CPEB3: variants seen among roughly 807,000 people sequenced by gnomAD.
CPEB3 encodes the protein cytoplasmic polyadenylation element binding protein 3.
In CPEB3, 20 loss-of-function variants were observed where a neutral mutation model predicts 67.2. The ratio of observed to expected loss-of-function variants is 0.30; its 90% CI spans 0.21 to 0.43. The LOEUF (loss-of-function observed/expected upper bound fraction) is 0.43, where lower values mean the gene tolerates loss of function less well. CPEB3 is among the 20% of genes least tolerant of loss of function. The pLI is 1.00. For missense variants in CPEB3, 746 were observed against 968.6 expected, an observed-to-expected ratio of 0.77 and a Z score of 3.05; for synonymous variants, 376 against 393.1, an observed-to-expected ratio of 0.96 and a Z score of 0.51.
At chr10:92,203,032 C>G (rs929646149) in intron 2 of CPEB3, among the ~76,000 whole-genome samples, 1 of 151,068 alleles carries the variant, frequency 6.6e-6, no homozygotes, top group South Asian at 2.1e-4. Context: ...ACCTCTGCCT[C>G]CCAGGTTCAA....
chr10:92,153,196 G>A (rs2767653), intron 4 of CPEB3, among the ~76,000 whole-genome samples: 2,036 of 152,250 alleles, frequency 0.013, 49 homozygotes, highest in African/African-American at 0.047. Context: ...GCAGGATGGC[G>A]TGCTTCTAGC....
intron 4 of CPEB3, among the ~76,000 whole-genome samples, chr10:92,164,878 A>G (rs1374840287): frequency 6.6e-6 from 1 of 152,160 alleles, no homozygotes; most frequent in African/African-American, 2.4e-5. Flanking sequence ...TCTTTTTTAA[A>G]TTTTATTTCA....
At chr10:92,106,832 A>G (rs1452200590) in intron 7 of CPEB3, among the ~76,000 whole-genome samples, 1 of 150,462 alleles carries the variant, frequency 6.6e-6, no homozygotes, top group Admixed American at 6.6e-5. Flanking sequence ...AAAAAAAAAA[A>G]AAAAAAAAGA....
intron 6 of CPEB3, among the ~76,000 whole-genome samples, chr10:92,132,271 A>C (rs931630559): frequency 2.0e-5 from 3 of 152,148 alleles, no homozygotes; most frequent in African/African-American, 7.2e-5. Context: ...GATGAGGAAA[A>C]AATTGGACTA....
chr10:92,286,583 TAA>T (rs757526293), intron 1 of CPEB3, among the ~76,000 whole-genome samples: 12 of 102,464 alleles, frequency 1.2e-4, no homozygotes, highest in Admixed American at 2.2e-4. Flanking sequence ...AGACTCTATC[TAA>T]AAAAAAAAAA....
At chr10:92,258,128 C>T (rs780718054) in intron 1 of CPEB3, among the ~76,000 whole-genome samples, 11 of 149,968 alleles carry the variant, frequency 7.3e-5, no homozygotes, top group African/African-American at 2.2e-4. Flanking sequence ...AACCAAGTCT[C>T]GCTCTGTCAC....
intron 9 of CPEB3, among the ~76,000 whole-genome samples, chr10:92,057,917 T>A (rs1842174727): frequency 6.6e-6 from 1 of 152,112 alleles, no homozygotes; most frequent in Admixed American, 6.5e-5. Flanking sequence ...CAGAAACAGC[T>A]TAGAATACAA....
At chr10:92,054,781 A>G (rs1842051000) in intron 9 of CPEB3, among the ~76,000 whole-genome samples, 1 of 152,164 alleles carries the variant, frequency 6.6e-6, no homozygotes, top group Non-Finnish European at 1.5e-5. Flanking sequence ...CAAATTATTC[A>G]AATTAAAAAT....
At chr10:92,136,090 A>G (rs1028723706) in intron 6 of CPEB3, among the ~76,000 whole-genome samples, 3 of 152,106 alleles carry the variant, frequency 2.0e-5, no homozygotes, top group African/African-American at 7.2e-5. Flanking sequence ...CAGCAAACCA[A>G]CATGGCACAT....
At chr10:92,174,903 T>C (rs902740070) in intron 4 of CPEB3, among the ~76,000 whole-genome samples, 12 of 152,208 alleles carry the variant, frequency 7.9e-5, no homozygotes, top group African/African-American at 2.7e-4. Flanking sequence ...GTATCTTCTC[T>C]GGGTAAGACT....
chr10:92,209,880 T>C (rs1256105392), intron 2 of CPEB3, among the ~76,000 whole-genome samples: 2 of 139,604 alleles, frequency 1.4e-5, no homozygotes. Flanking sequence ...GAGGCTGCAG[T>C]GAGCCAAGCT....
intron 4 of CPEB3, among the ~76,000 whole-genome samples, chr10:92,168,848 T>C (rs1328157375): frequency 7.1e-6 from 1 of 141,350 alleles, no homozygotes; most frequent in East Asian, 2.0e-4. Flanking sequence ...CAGGCTGGAG[T>C]GCAATGGTGC....
intron 2 of CPEB3, among the ~76,000 whole-genome samples, chr10:92,211,539 T>TC (rs1850083406): frequency 6.6e-6 from 1 of 150,580 alleles, no homozygotes; most frequent in African/African-American, 2.4e-5. Flanking sequence ...TATCATAATT[T>TC]TTTTTTTTTT....
chr10:92,081,567 G>T (rs1843154693), intron 8 of CPEB3, 66 bp from the exon 9 acceptor site: 1 of 1,386,826 alleles, frequency 7.2e-7, no homozygotes, highest in Non-Finnish European at 1.0e-6. Flanking sequence ...CCAGGAGAAG[G>T]AAGAATTATT....
intron 4 of CPEB3, among the ~76,000 whole-genome samples, chr10:92,162,873 C>T (rs1206727306): frequency 6.6e-6 from 1 of 152,048 alleles, no homozygotes; most frequent in Non-Finnish European, 1.5e-5. Context: ...TTTTTAGAAC[C>T]TTTTTAGGTT....
rs1564788326 is a variant in CPEB3 at position 92,111,209 on chromosome 10, A to G, written c.1454-15T>C. On this transcript the variant is annotated splice_polypyrimidine_tract_variant and intron_variant, in intron 6 of 9. Coordinates refer to ENST00000265997, the MANE Select transcript of CPEB3 (RefSeq NM_014912.5). ...AAAGGCATAGCCTTGGGGAGAGCAA[A>G]AACAAAAGGGTAGAGGAAGAATCAG... The G allele has an allele frequency of 6.7e-7, 1 of 1,492,764 alleles. No homozygotes were observed. The highest frequency in any genetic ancestry group is 9.4e-7 in the Non-Finnish European group (1 of 1,069,456). 92.5% of individuals were successfully genotyped at this position (1,492,764 alleles called of 1,614,324 possible).
At chr10:92,106,814 C>CA (rs531195477) in intron 7 of CPEB3, among the ~76,000 whole-genome samples, 2,548 of 55,956 alleles carry the variant, frequency 0.046, 149 homozygotes, top group Non-Finnish European at 0.054. Context: ...GACTCTGTCT[C>CA]AAAAAAAAAA....
At chr10:92,280,630 C>T (rs570492391) in intron 1 of CPEB3, among the ~76,000 whole-genome samples, 46 of 125,110 alleles carry the variant, frequency 3.7e-4, no homozygotes, top group African/African-American at 1.2e-3. Context: ...GCAGAGGATG[C>T]GGTGGTTTCA....
At chr10:92,117,037 T>G (rs1363643617) in intron 6 of CPEB3, among the ~76,000 whole-genome samples, 1 of 152,196 alleles carries the variant, frequency 6.6e-6, no homozygotes, top group Non-Finnish European at 1.5e-5. Context: ...TTCTTTTTGT[T>G]TTTTTGAGAC....
Sources: gnomAD v4.1 joint callset for allele counts (sites outside exome capture counted in the v4.1 genomes callset) on GRCh38, gnomAD v4.1.1 for gene constraint, MANE v1.5 for transcripts, NCBI Gene and HGNC (gene_info 2026-07-23, HGNC 2026-07-21) for gene names.